NPSR1: variants seen among roughly 807,000 people sequenced by gnomAD.
NPSR1 encodes the protein neuropeptide S receptor 1, also known as neuropeptide S receptor.
NPSR1 carries 48 observed loss-of-function variants against 46.9 expected under a neutral mutation model. The observed-to-expected ratio is 1.02, with a 90% CI of 0.81 to 1.30. The LOEUF (loss-of-function observed/expected upper bound fraction) is 1.30. Ranked by LOEUF, NPSR1 falls within the 50% of genes most tolerant of loss-of-function variation. NPSR1 has a pLI of 0.00. For synonymous variants in NPSR1, 176 were observed against 168.1 expected, an observed-to-expected ratio of 1.05 and a Z score of -0.36; for missense variants, 450 against 449.5, an observed-to-expected ratio of 1.00 and a Z score of -0.01.
At chr7:34,779,931 T>C (rs1369327559) in intron 3 of NPSR1, 2 of 154,462 alleles carry the variant, frequency 1.3e-5, no homozygotes, top group African/African-American at 4.8e-5. Flanking sequence ...TTTGTGGTAC[T>C]GTAGTCATCA....
chr7:34,781,408 C>T (rs1332907690), intron 3 of NPSR1, among the ~76,000 whole-genome samples: 8 of 151,972 alleles, frequency 5.3e-5, no homozygotes, highest in Non-Finnish European at 1.0e-4. Flanking sequence ...GCAGCAACAT[C>T]GTGAAGGAAA....
intron 3 of NPSR1, among the ~76,000 whole-genome samples, chr7:34,788,248 C>CA (rs1231575516): frequency 5.9e-5 from 9 of 151,560 alleles, no homozygotes; most frequent in Admixed American, 4.6e-4. Context: ...AACCACAAAG[C>CA]AAAACCTGTA....
intron 8 of NPSR1, among the ~76,000 whole-genome samples, chr7:34,866,158 T>G (rs2128768947): frequency 6.6e-6 from 1 of 151,940 alleles, no homozygotes; most frequent in East Asian, 1.9e-4. Flanking sequence ...CCACACGGCC[T>G]CCACCTCCCA....
intron 2 of NPSR1, chr7:34,751,689 C>T (rs1445182595): frequency 6.3e-6 from 10 of 1,589,550 alleles, no homozygotes; most frequent in East Asian, 2.2e-5. Context: ...GGTTCATCAA[C>T]AGGAAAGTGG....
intron 5 of NPSR1, among the ~76,000 whole-genome samples, chr7:34,829,709 C>T (rs1790027612): frequency 6.6e-6 from 1 of 152,188 alleles, no homozygotes; most frequent in South Asian, 2.1e-4. Flanking sequence ...CTGCTTTTTC[C>T]ACCAGGACTT....
chr7:34,809,598 G>C (rs1183192218), intron 3 of NPSR1, among the ~76,000 whole-genome samples: 1 of 151,468 alleles, frequency 6.6e-6, no homozygotes, highest in African/African-American at 2.4e-5. Flanking sequence ...CGAGTAGCTG[G>C]GACTACAGGC....
At chr7:34,842,748 ATCATTTG>A (rs2128763037) in intron 6 of NPSR1, among the ~76,000 whole-genome samples, 1 of 152,302 alleles carries the variant, frequency 6.6e-6, no homozygotes, top group South Asian at 2.1e-4. Flanking sequence ...ACTCTTGAAA[ATCATTTG>A]TCCTCTGCAA....
chr7:34,717,424 C>T (rs1783635345), intron 2 of NPSR1, among the ~76,000 whole-genome samples: 1 of 152,224 alleles, frequency 6.6e-6, no homozygotes, highest in Non-Finnish European at 1.5e-5. Flanking sequence ...AGCCACTGCG[C>T]CCGGCCACAT....
intron 3 of NPSR1, among the ~76,000 whole-genome samples, chr7:34,784,948 T>C (rs559555913): frequency 6.6e-6 from 1 of 152,192 alleles, no homozygotes; most frequent in African/African-American, 2.4e-5. Context: ...GTAAACTAGA[T>C]CAACCATTGT....
intron 2 of NPSR1, among the ~76,000 whole-genome samples, chr7:34,766,353 A>G (rs1311934548): frequency 2.0e-5 from 3 of 152,198 alleles, no homozygotes; most frequent in Non-Finnish European, 4.4e-5. Flanking sequence ...ACTTCTGAGT[A>G]TTTGTCCTAG....
At chr7:34,736,877 T>TA (rs1326741433) in intron 2 of NPSR1, among the ~76,000 whole-genome samples, 1 of 152,214 alleles carries the variant, frequency 6.6e-6, no homozygotes, top group African/African-American at 2.4e-5. Flanking sequence ...CTTATTCCCT[T>TA]ACGGTTCATT....
intron 2 of NPSR1, among the ~76,000 whole-genome samples, chr7:34,734,718 A>G (rs1784587397): frequency 1.3e-5 from 2 of 152,218 alleles, no homozygotes; most frequent in Non-Finnish European, 2.9e-5. Flanking sequence ...ATTATGTGAG[A>G]TTAGATTGAT....
chr7:34,746,414 ATTTC>A (rs1289965325), intron 2 of NPSR1, among the ~76,000 whole-genome samples: 1 of 152,124 alleles, frequency 6.6e-6, no homozygotes, highest in Non-Finnish European at 1.5e-5. Flanking sequence ...ATTGTTGTTC[ATTTC>A]TTTATGTGCC....
At chr7:34,732,656 T>G (rs1262136142) in intron 2 of NPSR1, among the ~76,000 whole-genome samples, 1 of 152,166 alleles carries the variant, frequency 6.6e-6, no homozygotes, top group Admixed American at 6.5e-5. Context: ...ATACCAGAGC[T>G]CTATGACATT....
At chr7:34,868,308 C>T (rs1295235341) in intron 8 of NPSR1, among the ~76,000 whole-genome samples, 1 of 151,616 alleles carries the variant, frequency 6.6e-6, no homozygotes. Flanking sequence ...CCACTCTGCA[C>T]CACACAACAC....
intron 1 of NPSR1, among the ~76,000 whole-genome samples, chr7:34,662,649 A>C (rs1477395966): frequency 6.6e-6 from 1 of 152,138 alleles, no homozygotes; most frequent in Non-Finnish European, 1.5e-5. Flanking sequence ...GGCTGCTCCT[A>C]AGGAAATTAC....
At chr7:34,874,445 G>C in intron 8 of NPSR1, among the ~76,000 whole-genome samples, 1 of 151,988 alleles carries the variant, frequency 6.6e-6, no homozygotes, top group East Asian at 1.9e-4. Flanking sequence ...ATGGGCACCG[G>C]TTAAAATAAA....
intron 8 of NPSR1, among the ~76,000 whole-genome samples, chr7:34,875,383 G>A (rs1192344360): frequency 6.6e-6 from 1 of 152,172 alleles, no homozygotes; most frequent in Admixed American, 6.5e-5. Context: ...TGAAGATTGA[G>A]AAGCCCTCTT....
rs1317795834 is a variant in NPSR1 at position 34,729,834 on chromosome 7, A to T, written c.280+45150A>T. On this transcript the variant is annotated intron_variant, in intron 2 of 8. Transcript: ENST00000360581. The stretch of plus-strand genomic sequence containing the variant: ...GTCACCCAGGCTGGAGTGCAATGGC[A>T]CGATCTCAACTCACTGCAACCTCCG... Among the ~76,000 whole-genome samples, 4 of 152,186 alleles carry T rather than the reference A, an allele frequency of 2.6e-5. No individual in the cohort carries two copies. In the East Asian group the frequency reaches 5.8e-4, roughly 22 times the overall value.
Sources: gnomAD v4.1 joint callset for allele counts (sites outside exome capture counted in the v4.1 genomes callset) on GRCh38, gnomAD v4.1.1 for gene constraint, MANE v1.5 for transcripts, NCBI Gene and HGNC (gene_info 2026-07-23, HGNC 2026-07-21) for gene names.